The following TMEM164 variants were observed in gnomAD, a reference collection of about 807,000 sequenced individuals.
TMEM164 encodes RP13-360B22.2.
A neutral mutation model predicts 18.8 loss-of-function variants in TMEM164; 4 were observed. That is an observed-to-expected ratio of 0.21 (90% CI 0.10 to 0.49). TMEM164 has a LOEUF of 0.49. Ranked by LOEUF, TMEM164 falls within the 20% of genes least tolerant of loss-of-function variation. The pLI, the probability that TMEM164 is intolerant of heterozygous loss-of-function variation, is 0.98. For synonymous variants in TMEM164, 86 were observed against 101.7 expected (o/e 0.85, Z 0.93); for missense variants, 108 against 239.9 (o/e 0.45, Z 3.63).
intron 6 of TMEM164, among the ~76,000 whole-genome samples, chrX:110,172,402 A>G (rs1295406031): frequency 8.9e-6 from 1 of 112,026 alleles, no homozygotes; most frequent in East Asian, 2.8e-4. Context: ...ACCTAGCATG[A>G]CTAGGGCGTG....
At chrX:110,182,939 C>T (rs2067328820), downstream of TMEM164, among the ~76,000 whole-genome samples, 1 of 111,808 alleles carries the variant, frequency 8.9e-6, no homozygotes, top group Non-Finnish European at 1.9e-5. Context: ...TCACAGGAAG[C>T]CGCTTTTGGA....
intron 4 of TMEM164, among the ~76,000 whole-genome samples, chrX:110,134,453 G>A (rs183796158): frequency 9.3e-6 from 1 of 107,697 alleles, no homozygotes; most frequent in Non-Finnish European, 1.9e-5. Context: ...CCAGCTACTC[G>A]GGAGGCTGAG....
chrX:110,160,226 A>G (rs759013528), intron 5 of TMEM164, among the ~76,000 whole-genome samples: 14 of 112,222 alleles, frequency 1.2e-4, no homozygotes, highest in Non-Finnish European at 2.6e-4. Flanking sequence ...GGGGGAAGTC[A>G]CATCTTTATT....
intron 2 of TMEM164, among the ~76,000 whole-genome samples, chrX:110,020,893 T>G (rs1933779335): frequency 9.3e-6 from 1 of 107,261 alleles, no homozygotes; most frequent in African/African-American, 3.4e-5. Flanking sequence ...GAATTCACTT[T>G]CAAAGTTGTT....
In TMEM164 at chrX:110,048,750, T is replaced by C. The variant is rs941120066; in HGVS notation, c.391-18597T>C. 8.6e-4 allele frequency among the ~76,000 whole-genome samples: 96 copies of C among 111,747 alleles called. 2 individuals are homozygous for C. The highest frequency in any genetic ancestry group is 3.0e-3 in the African/African-American group (92 of 30,747). ...ATTTGATCAGGGTCACTACTGGTGA[T>C]ATATAGAGGGAAATAGGAGAGTGAA... On this transcript the variant is annotated intron_variant, in intron 2 of 6. Coordinates refer to ENST00000372068, the MANE Select transcript of TMEM164 (RefSeq NM_032227.4).
intron 3 of TMEM164, among the ~76,000 whole-genome samples, chrX:110,103,215 TA>T (rs1192010928): frequency 9.0e-6 from 1 of 111,568 alleles, no homozygotes; most frequent in Non-Finnish European, 1.9e-5. Flanking sequence ...GAGGAGAGGG[TA>T]AGGAAAAAAC....
chrX:110,080,595 T>C (rs927026353), intron 3 of TMEM164, among the ~76,000 whole-genome samples: 5 of 112,589 alleles, frequency 4.4e-5, no homozygotes, highest in Non-Finnish European at 9.4e-5. Context: ...TTCATATCTA[T>C]AATTTTGCTA....
chrX:110,047,781 A>T (rs1029504761), intron 2 of TMEM164, among the ~76,000 whole-genome samples: 1 of 111,982 alleles, frequency 8.9e-6, no homozygotes, highest in African/African-American at 3.2e-5. Flanking sequence ...TTTCCCAAGG[A>T]CACAATATTC....
At chrX:110,091,616 T>A (rs1262564731) in intron 3 of TMEM164, among the ~76,000 whole-genome samples, 1 of 112,657 alleles carries the variant, frequency 8.9e-6, no homozygotes, top group Non-Finnish European at 1.9e-5. Flanking sequence ...TAGCCCTTTG[T>A]CAGATGGGTA....
chrX:110,171,605 C>T (rs1356315101), intron 6 of TMEM164, 85 bp downstream of exon 6: 13 of 806,752 alleles, frequency 1.6e-5, no homozygotes, highest in African/African-American at 8.1e-5. Flanking sequence ...TGACGTATCA[C>T]TTTGTTTTGA....
chrX:110,097,597 G>A (rs2066042090), intron 3 of TMEM164, among the ~76,000 whole-genome samples: 2 of 111,982 alleles, frequency 1.8e-5, no homozygotes, highest in South Asian at 7.3e-4. Context: ...TAAAAACGTG[G>A]GCAACAAGGA....
At position 110,176,742 on chromosome X, in the gene TMEM164, C is replaced by T. The variant is rs914088960; in HGVS notation, c.*3291C>T. On this transcript the variant is annotated 3_prime_UTR_variant, in exon 7 of 7. Transcript: ENST00000372068. ...GTAAGCTAGGTGGCTCAGGGAGTGG[C>T]AGAAGGGCCATTTTTCCCTCTGCCA... 1 of 111,297 alleles carries T rather than the reference C, an allele frequency of 9.0e-6. No homozygotes were observed. Among genetic ancestry groups the T allele is most frequent in the Non-Finnish European group, 1.9e-5 (1 of 52,945 alleles). The allele number at this position is 111,297 out of a possible 1,213,427, so 9.2% of individuals were successfully genotyped here.
intron 2 of TMEM164, among the ~76,000 whole-genome samples, chrX:110,044,544 A>G (rs1041668424): frequency 1.9e-5 from 2 of 102,884 alleles, no homozygotes; most frequent in East Asian, 3.0e-4. Flanking sequence ...GGCTGAAGCA[A>G]TCCTCCCACC....
At chrX:110,035,661 G>A (rs991254288) in intron 2 of TMEM164, among the ~76,000 whole-genome samples, 5 of 110,286 alleles carry the variant, frequency 4.5e-5, no homozygotes, top group African/African-American at 6.6e-5. Flanking sequence ...CCATCACCGC[G>A]GCCAGCTAAT....
At chrX:110,064,161 T>C (rs1414933010) in intron 2 of TMEM164, among the ~76,000 whole-genome samples, 1 of 111,941 alleles carries the variant, frequency 8.9e-6, no homozygotes, top group African/African-American at 3.3e-5. Flanking sequence ...ATGCCTTTTG[T>C]TTCAGGTGCT....
chrX:110,129,341 C>A (rs1367853342), intron 4 of TMEM164, among the ~76,000 whole-genome samples: 3 of 112,544 alleles, frequency 2.7e-5, no homozygotes, highest in Non-Finnish European at 5.6e-5. Flanking sequence ...GGGGTCCCAG[C>A]TTTATGAGAG....
At chrX:110,162,691 A>C (rs752060729) in intron 5 of TMEM164, among the ~76,000 whole-genome samples, 1 of 112,292 alleles carries the variant, frequency 8.9e-6, no homozygotes, top group East Asian at 2.8e-4. Flanking sequence ...GATATCTTTT[A>C]GGCAGCCACA....
At chrX:110,133,789 T>C (rs2066646271) in intron 4 of TMEM164, among the ~76,000 whole-genome samples, 2 of 111,926 alleles carry the variant, frequency 1.8e-5, no homozygotes, top group Non-Finnish European at 3.8e-5. Context: ...CAGAGCTTCC[T>C]TCCCGGCCTT....
At position 110,171,420 on chromosome X, in the gene TMEM164, G is replaced by T. The variant is rs925801401; in HGVS notation, c.587G>T (p.Gly196Val). Residue 196 changes from glycine (G) to valine (V), a missense_variant and splice_region_variant, in exon 6 of 7, where the codon GGT becomes GTT. Transcript: ENST00000372068. Reference sequence around the variant, plus strand: ...CTCACCATCTCCCCTCTTCCTCCAGGTGCTTACACTCCAGAGCCCCTCAGC... The same window carrying T: ...CTCACCATCTCCCCTCTTCCTCCAGTTGCTTACACTCCAGAGCCCCTCAGC... ...VVPIYLLWKG[G>V]AYTPEPLSSF... 1 of 1,194,848 alleles carries T rather than the reference G, an allele frequency of 8.4e-7. No individual in the cohort carries two copies. Among genetic ancestry groups the T allele is most frequent in the Non-Finnish European group, 1.1e-6 (1 of 884,929 alleles).
Sources: gnomAD v4.1 joint callset for allele counts (sites outside exome capture counted in the v4.1 genomes callset) on GRCh38, gnomAD v4.1.1 for gene constraint, MANE v1.5 for transcripts, NCBI Gene and HGNC (gene_info 2026-07-23, HGNC 2026-07-21) for gene names.